The following IL18RAP variants were observed in gnomAD, a reference collection of about 807,000 sequenced individuals.
IL18RAP encodes interleukin-18 receptor accessory protein.
IL18RAP carries 37 observed loss-of-function variants against 58.1 expected under a neutral mutation model. The ratio of observed to expected loss-of-function variants is 0.64; its 90% CI spans 0.49 to 0.84. The LOEUF (loss-of-function observed/expected upper bound fraction) is 0.84. Ranked by LOEUF, IL18RAP falls within the 40% of genes least tolerant of loss-of-function variation. The pLI, the probability that IL18RAP is intolerant of heterozygous loss-of-function variation, is 0.00. For missense variants in IL18RAP, 667 were observed against 704.8 expected (o/e 0.95, Z 0.61); for synonymous variants, 268 against 257.5 (o/e 1.04, Z -0.39).
At chr2:102,448,742 T>C (rs531423131) in intron 8 of IL18RAP, among the ~76,000 whole-genome samples, 15 of 151,882 alleles carry the variant, frequency 9.9e-5, no homozygotes, top group South Asian at 4.2e-4. Context: ...GGAGGAATGC[T>C]TGAGCTCAGG....
At chr2:102,433,099 G>A (rs550941687) in intron 3 of IL18RAP, among the ~76,000 whole-genome samples, 2 of 152,162 alleles carry the variant, frequency 1.3e-5, no homozygotes, top group South Asian at 2.1e-4. Context: ...CCTGTTAGTA[G>A]GACTTGCACC....
rs1682811352 is a variant in IL18RAP, at chr2:102,437,264, T to A, written c.632T>A (p.Val211Asp). 1 of 1,613,632 alleles carries A rather than the reference T, an allele frequency of 6.2e-7. No homozygotes were observed. Among genetic ancestry groups the A allele is most frequent in the African/African-American group, 1.3e-5 (1 of 74,900 alleles). The stretch of plus-strand genomic sequence containing the variant: ...AGCAACCGAATCGTAGTGGATGAAG[T>A]TTATGACTATCACCAGGGCACATAT... ...ERSNRIVVDE[V>D]YDYHQGTYVC... Residue 211 changes from valine (V) to aspartate (D), a missense_variant, in exon 4 of 10, where the codon GTT (valine) becomes GAT (aspartate). Coordinates refer to ENST00000687160, the MANE Select transcript of IL18RAP (RefSeq NM_001393487.1).
chr2:102,421,583 T>C (rs1681580277), upstream of IL18RAP, among the ~76,000 whole-genome samples: 1 of 152,232 alleles, frequency 6.6e-6, no homozygotes, highest in Non-Finnish European at 1.5e-5. Flanking sequence ...GCCTTGTTCC[T>C]TGGTTGCAGT....
At chr2:102,442,642 T>G (rs1392263752) in intron 5 of IL18RAP, among the ~76,000 whole-genome samples, 1 of 152,182 alleles carries the variant, frequency 6.6e-6, no homozygotes, top group African/African-American at 2.4e-5. Flanking sequence ...AGAGCATATG[T>G]GAATATTCCT....
chr2:102,441,500 C>A (rs751321967), intron 5 of IL18RAP, 123 bp downstream of exon 5: 4 of 718,920 alleles, frequency 5.6e-6, no homozygotes, highest in Non-Finnish European at 9.5e-6. Context: ...CTTAACTCAG[C>A]CATTGACTAG....
Position 102,452,338 on chromosome 2 carries a change from A to C in IL18RAP, c.*157A>C, listed in dbSNP as rs1683826235. On this transcript the variant is annotated 3_prime_UTR_variant, in exon 10 of 10. Coordinates refer to ENST00000687160, the MANE Select transcript of IL18RAP (RefSeq NM_001393487.1). ...TGATGGACAATGGAGTGGGATTGAGACTGTGGTTTAGAGCCTTTGATTTCC... is the reference window on the plus strand; with the variant it reads ...TGATGGACAATGGAGTGGGATTGAGCCTGTGGTTTAGAGCCTTTGATTTCC... The C allele has an allele frequency of 8.9e-6, 6 of 677,866 alleles. No homozygotes were observed. The highest frequency in any genetic ancestry group is 1.4e-5 in the Non-Finnish European group (6 of 417,260). 42.0% of individuals were successfully genotyped at this position (677,866 alleles called of 1,614,324 possible). A position where few individuals can be genotyped will look rare whatever the true frequency, so the allele number is the denominator to read the frequency against.
intron 7 of IL18RAP, among the ~76,000 whole-genome samples, chr2:102,446,052 C>T (rs1192079059): frequency 1.3e-5 from 2 of 152,144 alleles, no homozygotes; most frequent in Non-Finnish European, 2.9e-5. Context: ...GGAGATCCCT[C>T]GTGTCAGGTA....
At chr2:102,431,194 G>A (rs1682327197) in intron 3 of IL18RAP, among the ~76,000 whole-genome samples, 2 of 152,136 alleles carry the variant, frequency 1.3e-5, no homozygotes, top group Admixed American at 6.5e-5. Context: ...AGCTTTGCTT[G>A]GTTGGCAGTT....
At chr2:102,450,529 A>G (rs180910451) in intron 8 of IL18RAP, among the ~76,000 whole-genome samples, 1 of 152,278 alleles carries the variant, frequency 6.6e-6, no homozygotes, top group Admixed American at 6.5e-5. Flanking sequence ...GTGACTAATG[A>G]GACAGAAACA....
chr2:102,447,706 T>TTATGTATGTATG (rs142110985), intron 8 of IL18RAP, among the ~76,000 whole-genome samples: 40 of 149,342 alleles, frequency 2.7e-4, no homozygotes, highest in South Asian at 8.5e-4. Context: ...ATTCATTCAT[T>TTATGTATGTATG]TATGTATGTA....
At chr2:102,444,955 A>G (rs1267923345) in intron 6 of IL18RAP, among the ~76,000 whole-genome samples, 1 of 152,232 alleles carries the variant, frequency 6.6e-6, no homozygotes, top group Non-Finnish European at 1.5e-5. Flanking sequence ...AGAGTAAGGA[A>G]GGTCAGATGA....
At chr2:102,428,057 A>T (rs1682077914) in intron 3 of IL18RAP, among the ~76,000 whole-genome samples, 1 of 146,346 alleles carries the variant, frequency 6.8e-6, no homozygotes, top group African/African-American at 2.5e-5. Flanking sequence ...CCATTTGTTC[A>T]TGTGTCTGTT....
intron 5 of IL18RAP, among the ~76,000 whole-genome samples, chr2:102,441,601 T>C (rs952607221): frequency 3.9e-5 from 6 of 152,158 alleles, no homozygotes; most frequent in African/African-American, 1.4e-4. Context: ...AAAGATTATA[T>C]TGCAGGCCGG....
Position 102,452,190 on chromosome 2 carries a change from C to T in IL18RAP, c.*9C>T, listed in dbSNP as rs1238160171. The T allele has an allele frequency of 1.3e-6, 2 of 1,586,794 alleles. No homozygotes were observed. Among genetic ancestry groups the T allele is most frequent in the African/African-American group, 1.4e-5 (1 of 73,820 alleles). On this transcript the variant is annotated 3_prime_UTR_variant, in exon 10 of 10. Coordinates refer to ENST00000687160, the MANE Select transcript of IL18RAP (RefSeq NM_001393487.1). ...AGCCTAAGGAATGGTGAAATGAGCC[C>T]TGGAGCCCCCTCCAGTCCAGTCCCT...
upstream of IL18RAP, among the ~76,000 whole-genome samples, chr2:102,420,592 A>G (rs146265381): frequency 6.6e-6 from 1 of 152,312 alleles, no homozygotes; most frequent in East Asian, 1.9e-4. Context: ...AATTTGCTAT[A>G]GGCTTGGACA....
At chr2:102,439,042 A>C (rs1329723041) in intron 4 of IL18RAP, 1 of 152,340 alleles carries the variant, frequency 6.6e-6, no homozygotes, top group East Asian at 1.9e-4. Flanking sequence ...CCAGGAGATG[A>C]AGAAGAGCAT....
rs114687847 is a variant in IL18RAP, at chr2:102,432,047, C to T, written c.580-5165C>T. Among the ~76,000 whole-genome samples the T allele has an allele frequency of 1.1e-3, 170 of 152,166 alleles. 1 individual carries two copies. The highest frequency in any genetic ancestry group is 1.5e-3 in the Non-Finnish European group (104 of 68,024). On this transcript the variant is annotated intron_variant, in intron 3 of 9. Coordinates refer to ENST00000687160, the MANE Select transcript of IL18RAP (RefSeq NM_001393487.1). ...CCTATGCAGTTGAGGAAACAGCCAC[C>T]TCTTTTGGTCTTTGTAGGTGATCTT...
At chr2:102,441,166 G>A in intron 4 of IL18RAP, 146 bp from the exon 5 acceptor site, 1 of 592,088 alleles carries the variant, frequency 1.7e-6, no homozygotes, top group South Asian at 2.0e-5. Context: ...ATGGAAACCG[G>A]AATTCCTAAC....
At chr2:102,423,110 G>C (rs982481033), upstream of IL18RAP, 11 of 702,616 alleles carry the variant, frequency 1.6e-5, no homozygotes, top group Admixed American at 2.7e-4. Flanking sequence ...CCCTTTCAAA[G>C]CTTCCTGTGT....
Sources: allele counts gnomAD v4.1 joint callset (sites outside exome capture counted in the v4.1 genomes callset), GRCh38; gene constraint gnomAD v4.1.1; transcripts MANE v1.5; gene names NCBI Gene and HGNC (gene_info 2026-07-23, HGNC 2026-07-21).